Variants in PDE1C observed in about 807,000 individuals in gnomAD.
PDE1C encodes phosphodiesterase 1C.
PDE1C carries 62 observed loss-of-function variants against 93.1 expected under a neutral mutation model. That is an observed-to-expected ratio of 0.67 (90% CI 0.54 to 0.82). The LOEUF (loss-of-function observed/expected upper bound fraction) is 0.82. PDE1C is among the 40% of genes least tolerant of loss of function. The pLI, the probability that PDE1C is intolerant of heterozygous loss-of-function variation, is 0.00. For missense variants in PDE1C, 742 were observed against 884.6 expected, an observed-to-expected ratio of 0.84 and a Z score of 2.04; for synonymous variants, 325 against 310.1, an observed-to-expected ratio of 1.05 and a Z score of -0.50.
At chr7:32,237,291 G>A (rs188511304) in intron 1 of PDE1C, among the ~76,000 whole-genome samples, 1,647 of 147,796 alleles carry the variant, frequency 0.011, 13 homozygotes, top group Non-Finnish European at 0.016. Context: ...GTTTCACAGC[G>A]TTAGCTAGGA....
chr7:32,050,682 C>T (rs1344442921), intron 2 of PDE1C, among the ~76,000 whole-genome samples: 1 of 151,990 alleles, frequency 6.6e-6, no homozygotes, highest in African/African-American at 2.4e-5. Context: ...CATGACATTT[C>T]CTAAGCTCAT....
intron 2 of PDE1C, among the ~76,000 whole-genome samples, chr7:31,941,053 A>G (rs73686833): frequency 0.031 from 4,772 of 152,058 alleles, 230 homozygotes; most frequent in African/African-American, 0.11. Context: ...CTAAGTGGAA[A>G]CATGGATATT....
At chr7:32,346,693 A>G (rs994364734) in intron 1 of PDE1C, among the ~76,000 whole-genome samples, 7 of 152,242 alleles carry the variant, frequency 4.6e-5, no homozygotes, top group Admixed American at 1.3e-4. Context: ...TGGCATCTTC[A>G]TTTTGCACTT....
intron 2 of PDE1C, among the ~76,000 whole-genome samples, chr7:31,916,064 T>C (rs1239587850): frequency 1.3e-5 from 2 of 152,108 alleles, no homozygotes; most frequent in Admixed American, 6.5e-5. Flanking sequence ...ACCTCTCAAA[T>C]GAGGGTCTCA....
At chr7:32,358,440 G>C (rs1784072095) in intron 1 of PDE1C, among the ~76,000 whole-genome samples, 1 of 152,202 alleles carries the variant, frequency 6.6e-6, no homozygotes, top group South Asian at 2.1e-4. Flanking sequence ...AAGAGGAGTT[G>C]ATAATATAGA....
At chr7:31,848,467 A>G (rs552124910) in intron 8 of PDE1C, among the ~76,000 whole-genome samples, 21 of 152,128 alleles carry the variant, frequency 1.4e-4, no homozygotes, top group Admixed American at 2.6e-4. Flanking sequence ...ATTTTATTCA[A>G]TGAATGCACT....
In PDE1C at chr7:32,172,823, TAAAAAAAA is replaced by T. The variant is rs70989638; in HGVS notation, c.137-2875_137-2868del. On this transcript the variant is annotated intron_variant, in intron 2 of 18. Coordinates refer to the PDE1C transcript ENST00000396193. ...GGCAACAAGAGCAAAACTCCATCTT[TAAAAAAAA>T]AAAAAAAAAAAAAAGGCAAGAAGAA... 3.8e-5 allele frequency among the ~76,000 whole-genome samples: 4 copies of T among 104,456 alleles called. 1 individual carries two copies. Among genetic ancestry groups the T allele is most frequent in the Admixed American group, 2.4e-4 (2 of 8,494 alleles). The allele number at this position is 104,456 out of a possible 152,430, so 68.5% of individuals were successfully genotyped here. A position where few individuals can be genotyped will look rare whatever the true frequency, so the allele number is the denominator to read the frequency against.
At chr7:31,947,113 T>C (rs1031443726) in intron 2 of PDE1C, among the ~76,000 whole-genome samples, 4 of 152,168 alleles carry the variant, frequency 2.6e-5, no homozygotes, top group African/African-American at 9.7e-5. Context: ...ATGGCCTGTG[T>C]CTTTCAGCAA....
At chr7:31,621,723 A>C in the PDE1C span, among the ~76,000 whole-genome samples, 1 of 146,928 alleles carries the variant, frequency 6.8e-6, no homozygotes, top group African/African-American at 2.6e-5. Flanking sequence ...ACCAGCTAAC[A>C]TCATAATGAC....
intron 17 of PDE1C, among the ~76,000 whole-genome samples, chr7:31,771,239 C>T (rs868232488): frequency 1.3e-5 from 2 of 152,216 alleles, no homozygotes; most frequent in African/African-American, 4.8e-5. Flanking sequence ...CCTCCTGTAC[C>T]TGTGCCCTTT....
chr7:32,355,209 G>A (rs772779907), intron 1 of PDE1C, among the ~76,000 whole-genome samples: 7 of 152,194 alleles, frequency 4.6e-5, no homozygotes, highest in African/African-American at 9.7e-5. Flanking sequence ...CAATCTCCGC[G>A]AACATGAAAG....
chr7:32,069,792 A>AC (rs762468321), intron 1 of PDE1C, among the ~76,000 whole-genome samples: 19 of 152,110 alleles, frequency 1.2e-4, no homozygotes, highest in Admixed American at 3.9e-4. Flanking sequence ...ACCAAAAAGA[A>AC]CCCCAGGAAA....
intron 1 of PDE1C, among the ~76,000 whole-genome samples, chr7:32,287,743 G>C (rs1227987379): frequency 6.6e-6 from 1 of 152,218 alleles, no homozygotes; most frequent in Non-Finnish European, 1.5e-5. Flanking sequence ...GCTTGATCCT[G>C]CATGCAATGG....
At chr7:31,830,234 T>C (rs893532980) in intron 11 of PDE1C, among the ~76,000 whole-genome samples, 1 of 151,918 alleles carries the variant, frequency 6.6e-6, no homozygotes, top group Non-Finnish European at 1.5e-5. Context: ...TGTAGAGGAA[T>C]AAACTTCTAC....
chr7:32,394,813 G>GA (rs1162915821), intron 1 of PDE1C, among the ~76,000 whole-genome samples: 1 of 151,966 alleles, frequency 6.6e-6, no homozygotes, highest in African/African-American at 2.4e-5. Flanking sequence ...GACCCTGTCT[G>GA]AAAAAAATAT....
chr7:32,220,132 C>T (rs557641196), intron 1 of PDE1C, among the ~76,000 whole-genome samples: 1 of 151,748 alleles, frequency 6.6e-6, no homozygotes, highest in Admixed American at 6.6e-5. Flanking sequence ...ATTACCCAGT[C>T]TTGGGTATGT....
chr7:31,919,117 T>C (rs533945329), intron 2 of PDE1C, among the ~76,000 whole-genome samples: 1 of 152,290 alleles, frequency 6.6e-6, no homozygotes, highest in South Asian at 2.1e-4. Flanking sequence ...TGTCAAGATA[T>C]TAAAAATAGA....
intron 17 of PDE1C, among the ~76,000 whole-genome samples, chr7:31,761,733 T>C (rs1455237527): frequency 6.6e-6 from 1 of 152,196 alleles, no homozygotes; most frequent in Non-Finnish European, 1.5e-5. Context: ...GTTTAAGCTC[T>C]TCAGATAATT....
At chr7:32,295,893 CAAAAA>C (rs147462417) in intron 1 of PDE1C, among the ~76,000 whole-genome samples, 123 of 85,100 alleles carry the variant, frequency 1.4e-3, no homozygotes, top group African/African-American at 4.5e-3. Context: ...GACTCTGTCT[CAAAAA>C]AAAAAAAAAA....
Sources: gnomAD v4.1 joint callset for allele counts (sites outside exome capture counted in the v4.1 genomes callset) on GRCh38, gnomAD v4.1.1 for gene constraint, MANE v1.5 for transcripts, NCBI Gene and HGNC (gene_info 2026-07-23, HGNC 2026-07-21) for gene names.